Variants in ATE1 observed in about 807,000 individuals in gnomAD.
ATE1 encodes arginyl-tRNA--protein transferase 1.
Under a neutral mutation model 70.5 loss-of-function variants are expected in ATE1, and 36 were observed. That is an observed-to-expected ratio of 0.51 (90% CI 0.39 to 0.67). The LOEUF is 0.67. Among genes scored for constraint, ATE1 ranks in the 30% least tolerant of loss-of-function variants. ATE1 has a pLI of 0.00. For synonymous variants in ATE1, 232 were observed against 219.3 expected, an observed-to-expected ratio of 1.06 and a Z score of -0.51; for missense variants, 593 against 629.5, an observed-to-expected ratio of 0.94 and a Z score of 0.62.
intron 3 of ATE1, among the ~76,000 whole-genome samples, chr10:121,914,617 A>T (rs528905569): frequency 1.3e-5 from 2 of 152,188 alleles, no homozygotes; most frequent in South Asian, 4.1e-4. Context: ...AAATAGAAAG[A>T]TCCCTTCAAA....
intron 7 of ATE1, among the ~76,000 whole-genome samples, chr10:121,875,982 C>A (rs1950037320): frequency 6.6e-6 from 1 of 152,200 alleles, no homozygotes; most frequent in African/African-American, 2.4e-5. Context: ...CTGGTCCCTA[C>A]CAGCTCTGAT....
chr10:121,883,829 G>A (rs946827285), intron 7 of ATE1, among the ~76,000 whole-genome samples: 2 of 152,032 alleles, frequency 1.3e-5, no homozygotes, highest in Admixed American at 6.6e-5. Context: ...GCAGACTGGG[G>A]TGCGGTGGTT....
At chr10:121,893,055 A>T (rs1230156308) in intron 7 of ATE1, among the ~76,000 whole-genome samples, 1 of 152,086 alleles carries the variant, frequency 6.6e-6, no homozygotes, top group Non-Finnish European at 1.5e-5. Context: ...AGGCAGACAG[A>T]TCACGAGGTC....
chr10:121,891,667 T>C (rs975255970), intron 7 of ATE1, among the ~76,000 whole-genome samples: 1 of 152,208 alleles, frequency 6.6e-6, no homozygotes, highest in African/African-American at 2.4e-5. Context: ...GCAATCTATA[T>C]TTATCTTTGC....
At chr10:121,908,998 G>A (rs540140780) in intron 5 of ATE1, among the ~76,000 whole-genome samples, 1 of 152,290 alleles carries the variant, frequency 6.6e-6, no homozygotes, top group Admixed American at 6.5e-5. Context: ...GATTGTTGTT[G>A]TTGTTTTGAG....
At chr10:121,767,610 G>A (rs185143401) in intron 11 of ATE1, among the ~76,000 whole-genome samples, 937 of 152,170 alleles carry the variant, frequency 6.2e-3, no homozygotes, top group South Asian at 0.016. Context: ...AATATTTAGA[G>A]AACTAAGTTT....
intron 11 of ATE1, among the ~76,000 whole-genome samples, chr10:121,772,755 A>G (rs1209214389): frequency 6.6e-6 from 1 of 152,250 alleles, no homozygotes; most frequent in Non-Finnish European, 1.5e-5. Context: ...CAACCGCTTA[A>G]GCAGAATTTA....
At chr10:121,767,939 A>G (rs1312320254) in intron 11 of ATE1, among the ~76,000 whole-genome samples, 1 of 152,240 alleles carries the variant, frequency 6.6e-6, no homozygotes, top group East Asian at 1.9e-4. Flanking sequence ...TCATAGCAGC[A>G]TCATTCACAA....
intron 10 of ATE1, among the ~76,000 whole-genome samples, chr10:121,790,941 C>CCT (rs1946405744): frequency 4.8e-5 from 2 of 41,314 alleles, no homozygotes; most frequent in Non-Finnish European, 1.1e-4. Context: ...TTTATGTGTA[C>CCT]ATATATATGT....
At chr10:121,911,799 TGCAG>T (rs1330670996) in intron 4 of ATE1, among the ~76,000 whole-genome samples, 2 of 152,020 alleles carry the variant, frequency 1.3e-5, no homozygotes, top group African/African-American at 4.8e-5. Context: ...CAGGCTGCAG[TGCAG>T]GGGCGCGACC....
At chr10:121,790,444 T>C (rs1946388382) in intron 10 of ATE1, among the ~76,000 whole-genome samples, 155 bp from the exon 11 acceptor site, 1 of 152,170 alleles carries the variant, frequency 6.6e-6, no homozygotes, top group Admixed American at 6.5e-5. Context: ...TAGCTGATAG[T>C]TTTCCCATCT....
At chr10:121,802,484 T>G (rs1946928549) in intron 10 of ATE1, among the ~76,000 whole-genome samples, 1 of 152,040 alleles carries the variant, frequency 6.6e-6, no homozygotes, top group Admixed American at 6.6e-5. Context: ...AATTTTTATA[T>G]TTTTAGTAGA....
rs1290387160 is a variant in ATE1, at chr10:121,911,808, G to A, written c.338-657C>T. ...GTCGCCCAGGCTGCAGTGCAGGGGC[G>A]CGACCTCGGCTCACTGCAAGCTCCG... On this transcript the variant is annotated intron_variant, in intron 4 of 11. Transcript: ENST00000224652. Among the ~76,000 whole-genome samples the A allele has an allele frequency of 2.0e-5, 3 of 151,818 alleles. No homozygotes were observed. The East Asian group carries it at 5.8e-4, about 29-fold the overall frequency.
At chr10:121,921,384 T>A (rs1238045594) in intron 3 of ATE1, among the ~76,000 whole-genome samples, 1 of 150,578 alleles carries the variant, frequency 6.6e-6, no homozygotes. Flanking sequence ...GGCCGACTTG[T>A]CCCAGAGGCA....
intron 7 of ATE1, among the ~76,000 whole-genome samples, chr10:121,876,509 T>C (rs561969050): frequency 6.6e-6 from 1 of 152,340 alleles, no homozygotes; most frequent in East Asian, 1.9e-4. Flanking sequence ...ACACCAATGA[T>C]ATACATATGA....
At chr10:121,910,832 A>G in intron 5 of ATE1, 74 bp downstream of exon 5, 1 of 1,595,172 alleles carries the variant, frequency 6.3e-7, no homozygotes, top group Admixed American at 1.8e-5. Context: ...GGCTGATGGA[A>G]AGACCCAGGG....
chr10:121,772,725 T>G (rs373658436), intron 11 of ATE1, among the ~76,000 whole-genome samples: 1 of 152,182 alleles, frequency 6.6e-6, no homozygotes, highest in African/African-American at 2.4e-5. Context: ...CCAAACCAGA[T>G]AGTAAATCAT....
At chr10:121,872,328 C>T (rs139023635) in intron 7 of ATE1, among the ~76,000 whole-genome samples, 14 of 152,026 alleles carry the variant, frequency 9.2e-5, no homozygotes, top group African/African-American at 3.4e-4. Flanking sequence ...CAAAATAGAC[C>T]TAAAAAATTC....
chr10:121,821,605 G>T (rs1478468540), intron 10 of ATE1, among the ~76,000 whole-genome samples: 1 of 152,170 alleles, frequency 6.6e-6, no homozygotes. Flanking sequence ...CTCAGGCCAG[G>T]CCCGGTGGCT....
Sources: gnomAD v4.1 joint callset for allele counts (sites outside exome capture counted in the v4.1 genomes callset) on GRCh38, gnomAD v4.1.1 for gene constraint, MANE v1.5 for transcripts, NCBI Gene and HGNC (gene_info 2026-07-23, HGNC 2026-07-21) for gene names.